The following PRIM2 variants were observed in gnomAD, a reference collection of about 807,000 sequenced individuals.
PRIM2 encodes the protein DNA primase subunit 2, also known as DNA primase large subunit.
A neutral mutation model predicts 67.3 loss-of-function variants in PRIM2; 39 were observed. The ratio of observed to expected loss-of-function variants is 0.58; its 90% CI spans 0.45 to 0.76. PRIM2 has a LOEUF of 0.76. Among genes scored for constraint, PRIM2 ranks in the 30% least tolerant of loss-of-function variants. PRIM2 has a pLI of 0.00. For missense variants in PRIM2, 398 were observed against 598.7 expected, an observed-to-expected ratio of 0.66 and a Z score of 3.50; for synonymous variants, 143 against 198.7, an observed-to-expected ratio of 0.72 and a Z score of 2.36.
At chr6:57,620,552 C>G (rs1413353746) in intron 12 of PRIM2, among the ~76,000 whole-genome samples, 1 of 152,200 alleles carries the variant, frequency 6.6e-6, no homozygotes, top group East Asian at 1.9e-4. Flanking sequence ...ACTAGAAGAA[C>G]TGCTAAAAGG....
chr6:57,581,732 C>T (rs1776087058), intron 10 of PRIM2, among the ~76,000 whole-genome samples: 1 of 152,132 alleles, frequency 6.6e-6, no homozygotes, highest in Non-Finnish European at 1.5e-5. Context: ...TTTTTTGGCA[C>T]TGAAAGTTAA....
chr6:57,257,156 AGAGAAAGTT>A, the PRIM2 span, among the ~76,000 whole-genome samples: 1 of 152,212 alleles, frequency 6.6e-6, no homozygotes, highest in Admixed American at 6.5e-5. Flanking sequence ...ATTTACTTGA[AGAGAAAGTT>A]GAAGCAGGAC....
chr6:57,528,171 G>T, intron 8 of PRIM2, among the ~76,000 whole-genome samples: 1 of 145,726 alleles, frequency 6.9e-6, no homozygotes. Flanking sequence ...CTTGCTATAT[G>T]TTGCCCAGGC....
At chr6:57,518,392 A>G (rs1231558276) in intron 8 of PRIM2, among the ~76,000 whole-genome samples, 30 of 152,204 alleles carry the variant, frequency 2.0e-4, no homozygotes, top group African/African-American at 7.0e-4. Context: ...TCTCAGCAAC[A>G]TCACTAGTTG....
At chr6:57,370,412 A>C (rs1230082360) in intron 5 of PRIM2, among the ~76,000 whole-genome samples, 1 of 152,244 alleles carries the variant, frequency 6.6e-6, no homozygotes, top group Non-Finnish European at 1.5e-5. Context: ...ATTATTTAAT[A>C]GTAAAGTTTC....
intron 7 of PRIM2, among the ~76,000 whole-genome samples, chr6:57,465,244 A>C (rs1277129960): frequency 6.6e-6 from 1 of 152,144 alleles, no homozygotes; most frequent in African/African-American, 2.4e-5. Context: ...AATGTCAGAC[A>C]CTTGCTTTCT....
chr6:57,376,419 C>T (rs1425190216), intron 5 of PRIM2, among the ~76,000 whole-genome samples: 1 of 152,168 alleles, frequency 6.6e-6, no homozygotes, highest in African/African-American at 2.4e-5. Context: ...TCTTTTAATA[C>T]ATTTTTTGGC....
intron 7 of PRIM2, among the ~76,000 whole-genome samples, chr6:57,385,251 G>A (rs1018497972): frequency 1.2e-4 from 18 of 152,194 alleles, no homozygotes; most frequent in African/African-American, 4.3e-4. Flanking sequence ...TTGTTGTTAA[G>A]AAATAAGAGT....
the PRIM2 span, among the ~76,000 whole-genome samples, chr6:57,259,999 T>G: frequency 6.6e-6 from 1 of 152,162 alleles, no homozygotes; most frequent in Admixed American, 6.5e-5. Flanking sequence ...GCAATTAAAT[T>G]AGTCCCATTT....
intron 7 of PRIM2, among the ~76,000 whole-genome samples, chr6:57,503,490 T>A (rs1417388547): frequency 4.6e-5 from 7 of 152,186 alleles, no homozygotes; most frequent in African/African-American, 1.7e-4. Context: ...GGCTCACGTG[T>A]ACGATCCCAG....
upstream of PRIM2, among the ~76,000 whole-genome samples, chr6:57,311,740 T>C (rs918661168): frequency 9.2e-5 from 14 of 151,482 alleles, no homozygotes; most frequent in Non-Finnish European, 1.5e-4. Context: ...CTGGGCAACA[T>C]TGAGCATTGA....
At chr6:57,496,782 A>T (rs1208325219) in intron 7 of PRIM2, among the ~76,000 whole-genome samples, 2 of 152,182 alleles carry the variant, frequency 1.3e-5, no homozygotes, top group Non-Finnish European at 2.9e-5. Context: ...GTGAATGAAA[A>T]ATCTAGGAAT....
intron 5 of PRIM2, among the ~76,000 whole-genome samples, chr6:57,368,323 C>G (rs1321594387): frequency 1.3e-5 from 2 of 151,906 alleles, no homozygotes; most frequent in African/African-American, 2.4e-5. Context: ...GTCTGTAGGT[C>G]TGGGTGGCAC....
chr6:57,521,655 C>T (rs1554348934), intron 8 of PRIM2, among the ~76,000 whole-genome samples: 4 of 152,192 alleles, frequency 2.6e-5, no homozygotes, highest in Admixed American at 1.3e-4. Context: ...GTTTTGATTA[C>T]TTGTGATGCT....
intron 7 of PRIM2, among the ~76,000 whole-genome samples, chr6:57,452,618 T>A (rs1772595991): frequency 6.6e-6 from 1 of 152,224 alleles, no homozygotes; most frequent in South Asian, 2.1e-4. Flanking sequence ...TTTGCCCACT[T>A]GTTGATGGGG....
chr6:57,391,711 C>A (rs887524215), intron 7 of PRIM2, among the ~76,000 whole-genome samples: 36 of 152,038 alleles, frequency 2.4e-4, no homozygotes, highest in African/African-American at 8.7e-4. Flanking sequence ...TGTTCTGTTC[C>A]ATTGGTCTAT....
At chr6:57,227,575 T>C in the PRIM2 span, among the ~76,000 whole-genome samples, 1 of 134,784 alleles carries the variant, frequency 7.4e-6, no homozygotes, top group Non-Finnish European at 1.5e-5. Flanking sequence ...ACCCGGGAGA[T>C]GGAGGTTGCA....
At chr6:57,449,897 C>A (rs1465375013) in intron 7 of PRIM2, among the ~76,000 whole-genome samples, 2 of 152,066 alleles carry the variant, frequency 1.3e-5, no homozygotes, top group Non-Finnish European at 2.9e-5. Context: ...AAGACAGATT[C>A]ATTTAGTGCT....
chr6:57,273,291 C>A, the PRIM2 span, among the ~76,000 whole-genome samples: 1 of 152,210 alleles, frequency 6.6e-6, no homozygotes, highest in African/African-American at 2.4e-5. Flanking sequence ...GGTCTTTTCA[C>A]ATAGTCCCAT....
Sources: gnomAD v4.1 joint callset for allele counts (sites outside exome capture counted in the v4.1 genomes callset) on GRCh38, gnomAD v4.1.1 for gene constraint, MANE v1.5 for transcripts, NCBI Gene and HGNC (gene_info 2026-07-23, HGNC 2026-07-21) for gene names.